ANKRD17: variants seen among roughly 807,000 people sequenced by gnomAD.
ANKRD17 encodes ankyrin repeat domain-containing protein 17.
Under a neutral mutation model 229.7 loss-of-function variants are expected in ANKRD17, and 19 were observed. The ratio of observed to expected loss-of-function variants is 0.08; its 90% CI spans 0.06 to 0.12. The LOEUF (loss-of-function observed/expected upper bound fraction) is 0.12, where lower values mean the gene tolerates loss of function less well. Among genes scored for constraint, ANKRD17 ranks in the 10% least tolerant of loss-of-function variants. ANKRD17 has a pLI of 1.00. For missense variants in ANKRD17, 2,176 were observed against 3,176.8 expected (o/e 0.68, Z 7.57); for synonymous variants, 1,112 against 1,146.1 (o/e 0.97, Z 0.60).
chr4:73,183,153 TAC>T (rs1381038106), intron 1 of ANKRD17, among the ~76,000 whole-genome samples: 1 of 152,186 alleles, frequency 6.6e-6, no homozygotes, highest in Non-Finnish European at 1.5e-5. Context: ...TGTTCTGAAT[TAC>T]AGAGACTCGA....
intron 21 of ANKRD17, 30 bp from the exon 22 acceptor site, chr4:73,118,880 C>CTTTTTTTTT (rs751549226): frequency 1.5e-5 from 12 of 804,686 alleles, no homozygotes; most frequent in African/African-American, 2.7e-5. Flanking sequence ...ATAGCATTGT[C>CTTTTTTTTT]TTTTTTTTTT....
intron 1 of ANKRD17, among the ~76,000 whole-genome samples, chr4:73,182,982 C>A (rs931282359): frequency 2.6e-5 from 4 of 152,008 alleles, no homozygotes; most frequent in Admixed American, 6.5e-5. Flanking sequence ...TTAAAAACAA[C>A]AACAACAAAA....
chr4:73,232,959 G>A (rs1743192863), intron 1 of ANKRD17, among the ~76,000 whole-genome samples: 1 of 152,130 alleles, frequency 6.6e-6, no homozygotes, highest in Non-Finnish European at 1.5e-5. Flanking sequence ...CTAACCTCAA[G>A]TGATCCACCC....
At chr4:73,208,268 G>A (rs1327859471) in intron 1 of ANKRD17, among the ~76,000 whole-genome samples, 1 of 147,670 alleles carries the variant, frequency 6.8e-6, no homozygotes, top group Admixed American at 6.8e-5. Flanking sequence ...AACAACTTCA[G>A]AGAACATATT....
intron 1 of ANKRD17, among the ~76,000 whole-genome samples, chr4:73,226,628 C>T (rs181044754): frequency 4.0e-5 from 6 of 149,364 alleles, no homozygotes; most frequent in Non-Finnish European, 7.5e-5. Flanking sequence ...TTCCTGACCT[C>T]GTAATTCACC....
In ANKRD17 at chr4:73,258,335, T is replaced by A; in HGVS notation, c.334A>T (p.Ser112Cys). 6.2e-7 allele frequency: 1 copy of A among 1,613,380 alleles called. No individual in the cohort carries two copies. Among genetic ancestry groups the A allele is most frequent in the African/African-American group, 1.3e-5 (1 of 75,044 alleles). The part of the protein sequence containing the change: ...GGGGGGGGGT[S>C]SNNSEEEEDD... ...TCTTCTTCCTCGCTGTTGTTACTGC[T>A]GGTGCCGCCGCCGCCACCTCCGCCT... Residue 112 changes from serine (S) to cysteine (C), a missense_variant, in exon 1 of 34, where the codon AGC becomes TGC. Ser to Cys is a moderately radical substitution (Grantham distance 112). This residue lies in a region of ANKRD17 where 196 missense variants were observed against 190.0 expected (regional missense o/e 1.03). Transcript: ENST00000358602.
intron 1 of ANKRD17, among the ~76,000 whole-genome samples, chr4:73,218,263 T>C (rs1741362178): frequency 6.6e-6 from 1 of 152,102 alleles, no homozygotes; most frequent in Non-Finnish European, 1.5e-5. Flanking sequence ...AAAACATGAG[T>C]TTCAAACTAT....
chr4:73,100,497 G>GA (rs1211581177), intron 25 of ANKRD17, among the ~76,000 whole-genome samples: 6 of 149,864 alleles, frequency 4.0e-5, no homozygotes, highest in South Asian at 2.1e-4. Flanking sequence ...TTTTCTCGGA[G>GA]AAAAAAAAAT....
At chr4:73,236,618 T>A (rs1168051521) in intron 1 of ANKRD17, among the ~76,000 whole-genome samples, 1 of 151,186 alleles carries the variant, frequency 6.6e-6, no homozygotes, top group Non-Finnish European at 1.5e-5. Context: ...CTAACTAAAG[T>A]CCATGACCTA....
At chr4:73,127,947 A>G (rs1165744934) in intron 16 of ANKRD17, among the ~76,000 whole-genome samples, 1 of 152,248 alleles carries the variant, frequency 6.6e-6, no homozygotes, top group African/African-American at 2.4e-5. Context: ...TCAGTGATGA[A>G]GAGGGAGACG....
chr4:73,202,258 T>C (rs1025260675), intron 1 of ANKRD17, among the ~76,000 whole-genome samples: 2 of 134,804 alleles, frequency 1.5e-5, no homozygotes, highest in African/African-American at 5.7e-5. Context: ...TCAGTCCTAC[T>C]CCTTCCCATC....
chr4:73,174,641 T>C (rs1734494393), intron 2 of ANKRD17, among the ~76,000 whole-genome samples: 1 of 152,172 alleles, frequency 6.6e-6, no homozygotes, highest in African/African-American at 2.4e-5. Flanking sequence ...AAATTATCCT[T>C]GCTTGCAGAT....
chr4:73,215,432 G>A (rs1435808742), intron 1 of ANKRD17, among the ~76,000 whole-genome samples: 1 of 152,034 alleles, frequency 6.6e-6, no homozygotes, highest in Admixed American at 6.6e-5. Context: ...GCTAATTTTT[G>A]TATTTTTAGT....
At chr4:73,153,563 T>C (rs1731277523) in intron 6 of ANKRD17, among the ~76,000 whole-genome samples, 2 of 152,166 alleles carry the variant, frequency 1.3e-5, no homozygotes, top group African/African-American at 2.4e-5. Flanking sequence ...TCATTTAAAA[T>C]ACCATGTACC....
At chr4:73,120,387 A>G (rs751790581) in intron 20 of ANKRD17, 50 bp from the exon 21 acceptor site, 1 of 1,537,944 alleles carries the variant, frequency 6.5e-7, no homozygotes, top group Non-Finnish European at 8.9e-7. Context: ...GACTGGAAAG[A>G]TCTAAAATTG....
intron 24 of ANKRD17, among the ~76,000 whole-genome samples, chr4:73,108,254 G>T (rs993194577): frequency 6.6e-6 from 1 of 152,158 alleles, no homozygotes; most frequent in Admixed American, 6.5e-5. Context: ...AGGATCAGGA[G>T]TTCATATTTG....
At position 73,085,241 on chromosome 4, in the gene ANKRD17, A is replaced by C; in HGVS notation, c.7159+8T>G. 6.2e-7 allele frequency: 1 copy of C among 1,613,580 alleles called. No individual in the cohort carries two copies. The highest frequency in any genetic ancestry group is 8.5e-7 in the Non-Finnish European group (1 of 1,179,492). Reference sequence around the variant, plus strand: ...GATTCTTATGGAATTACGGTGTATAAAACTCACCATTTGATGCTGATGAAC... The same window carrying C: ...GATTCTTATGGAATTACGGTGTATACAACTCACCATTTGATGCTGATGAAC... On this transcript the variant is annotated splice_region_variant and intron_variant, in intron 30 of 33. Coordinates refer to ENST00000358602, the MANE Select transcript of ANKRD17 (RefSeq NM_032217.5).
In ANKRD17 at chr4:73,155,551, C is replaced by G. The variant is rs1731552960; in HGVS notation, c.1000+80G>C. 15 of 1,535,614 alleles carry G rather than the reference C, an allele frequency of 9.8e-6. No individual in the cohort carries two copies. The South Asian group carries it at 1.8e-4, about 18-fold the overall frequency. On this transcript the variant is annotated intron_variant, in intron 5 of 33. Coordinates refer to ENST00000358602, the MANE Select transcript of ANKRD17 (RefSeq NM_032217.5). ...TAATAAGAGAACTGAAAAATTAGCACTAAACATCACTTTCATGCAAAATCA... is the reference window on the plus strand; with the variant it reads ...TAATAAGAGAACTGAAAAATTAGCAGTAAACATCACTTTCATGCAAAATCA...
chr4:73,193,072 C>T (rs865906331), intron 1 of ANKRD17, among the ~76,000 whole-genome samples: 1 of 152,102 alleles, frequency 6.6e-6, no homozygotes, highest in South Asian at 2.1e-4. Flanking sequence ...TTTGTCCTGT[C>T]CATTTGTAGG....
Sources: gnomAD v4.1 joint callset for allele counts (sites outside exome capture counted in the v4.1 genomes callset) on GRCh38, gnomAD v4.1.1 for gene constraint, gnomAD v4.1.1 regional missense constraint, MANE v1.5 for transcripts, NCBI Gene and HGNC (gene_info 2026-07-23, HGNC 2026-07-21) for gene names.